The following FER variants were observed in gnomAD, a reference collection of about 807,000 sequenced individuals.
FER encodes the protein FER tyrosine kinase.
Under a neutral mutation model 111.0 loss-of-function variants are expected in FER, and 63 were observed. The observed-to-expected ratio is 0.57, with a 90% CI of 0.46 to 0.70. The LOEUF (loss-of-function observed/expected upper bound fraction) is 0.70. Ranked by LOEUF, FER falls within the 30% of genes least tolerant of loss-of-function variation. FER has a pLI of 0.00. For synonymous variants in FER, 327 were observed against 313.9 expected (o/e 1.04, Z -0.44); for missense variants, 914 against 954.0 (o/e 0.96, Z 0.55).
chr5:108,843,526 G>T (rs1761489653), intron 5 of FER, among the ~76,000 whole-genome samples: 2 of 149,898 alleles, frequency 1.3e-5, no homozygotes, highest in African/African-American at 2.4e-5. Context: ...ATTGAAAGTT[G>T]AATTTTTTTT....
chr5:108,843,762 C>G (rs181828328), intron 5 of FER, among the ~76,000 whole-genome samples: 1 of 151,810 alleles, frequency 6.6e-6, no homozygotes, highest in Non-Finnish European at 1.5e-5. Flanking sequence ...CTCTTGACCT[C>G]GTAATCCACC....
At chr5:108,782,949 C>G (rs1409963256) in intron 2 of FER, among the ~76,000 whole-genome samples, 2 of 152,168 alleles carry the variant, frequency 1.3e-5, no homozygotes, top group African/African-American at 4.8e-5. Flanking sequence ...TTCCTGGATT[C>G]TCTGTTCTGT....
At chr5:108,949,546 T>C (rs374761773) in intron 11 of FER, among the ~76,000 whole-genome samples, 1 of 152,114 alleles carries the variant, frequency 6.6e-6, no homozygotes, top group Non-Finnish European at 1.5e-5. Flanking sequence ...GAGATTGATA[T>C]TCCATAATTT....
At chr5:108,990,879 TCA>T (rs999057302) in intron 13 of FER, among the ~76,000 whole-genome samples, 1 of 151,846 alleles carries the variant, frequency 6.6e-6, no homozygotes, top group Non-Finnish European at 1.5e-5. Context: ...CCATGATTTT[TCA>T]CACTGATACT....
intron 16 of FER, among the ~76,000 whole-genome samples, chr5:109,098,236 C>G (rs1340988341): frequency 1.3e-5 from 2 of 151,650 alleles, no homozygotes; most frequent in Admixed American, 6.6e-5. Context: ...ATATTATGTA[C>G]TATTAAACAA....
intron 1 of FER, among the ~76,000 whole-genome samples, chr5:108,752,509 A>G (rs1451576059): frequency 2.0e-5 from 3 of 152,038 alleles, no homozygotes; most frequent in Non-Finnish European, 4.4e-5. Context: ...TCTGGGGGAA[A>G]AATGGAAAAG....
chr5:108,940,690 T>TTA (rs991104502), intron 10 of FER, among the ~76,000 whole-genome samples: 1 of 152,084 alleles, frequency 6.6e-6, no homozygotes, highest in Non-Finnish European at 1.5e-5. Flanking sequence ...AAGCACTATC[T>TTA]ACCCATCTAC....
intron 2 of FER, among the ~76,000 whole-genome samples, chr5:108,780,915 A>G (rs1253285894): frequency 6.6e-6 from 1 of 151,932 alleles, no homozygotes. Flanking sequence ...TGTCCAGTCT[A>G]CTAGACTGAG....
chr5:108,863,213 G>T (rs902890735), intron 5 of FER, among the ~76,000 whole-genome samples: 1 of 152,064 alleles, frequency 6.6e-6, no homozygotes, highest in African/African-American at 2.4e-5. Context: ...TCCGCCTCCT[G>T]GGTTAAAGTG....
At chr5:108,854,330 A>C (rs1457127835) in intron 5 of FER, among the ~76,000 whole-genome samples, 2 of 152,192 alleles carry the variant, frequency 1.3e-5, no homozygotes, top group Non-Finnish European at 2.9e-5. Context: ...TACGACCATT[A>C]TACTTCGGCA....
At chr5:108,834,373 T>TTCCAGTGTTG (rs2150136104) in intron 4 of FER, among the ~76,000 whole-genome samples, 1 of 152,282 alleles carries the variant, frequency 6.6e-6, no homozygotes, top group Admixed American at 6.5e-5. Context: ...GACTAATTGG[T>TTCCAGTGTTG]TCCAGTGTTG....
At chr5:108,815,799 GT>G (rs1758210823) in intron 3 of FER, among the ~76,000 whole-genome samples, 2 of 152,098 alleles carry the variant, frequency 1.3e-5, no homozygotes, top group Admixed American at 1.3e-4. Context: ...TGATTATTTA[GT>G]AGTCACATAA....
chr5:108,844,043 T>TATGTGTGTGAAC lies in FER; in HGVS notation c.481+8238_481+8239insGTGTGTGAACAT, dbSNP rs1561499864. On this transcript the variant is annotated intron_variant, in intron 5 of 19. Coordinates refer to ENST00000281092, the MANE Select transcript of FER (RefSeq NM_005246.4). ...GTGAACATATATATGTGTGTGAACA[T>TATGTGTGTGAAC]ATATATGTGTGTGAACATATATATG... Among the ~76,000 whole-genome samples the TATGTGTGTGAAC allele has an allele frequency of 2.6e-4, 26 of 101,346 alleles. 2 individuals are homozygous for TATGTGTGTGAAC. Among genetic ancestry groups the TATGTGTGTGAAC allele is most frequent in the African/African-American group, 1.0e-3 (25 of 24,318 alleles). 66.5% of individuals were successfully genotyped at this position (101,346 alleles called of 152,430 possible). A position where few individuals can be genotyped will look rare whatever the true frequency, so the allele number is the denominator to read the frequency against.
At chr5:108,787,702 C>T (rs1367443404) in intron 2 of FER, among the ~76,000 whole-genome samples, 1 of 152,212 alleles carries the variant, frequency 6.6e-6, no homozygotes, top group Non-Finnish European at 1.5e-5. Context: ...GAGCTACCCA[C>T]TATGGGTCTC....
chr5:108,852,390 T>C (rs975050871), intron 5 of FER, among the ~76,000 whole-genome samples: 2 of 152,164 alleles, frequency 1.3e-5, no homozygotes, highest in Non-Finnish European at 2.9e-5. Context: ...AAGTCCACAT[T>C]TTAAAAAATG....
At chr5:108,879,408 C>T (rs1054287710) in intron 8 of FER, among the ~76,000 whole-genome samples, 1 of 151,738 alleles carries the variant, frequency 6.6e-6, no homozygotes, top group Non-Finnish European at 1.5e-5. Context: ...CCGGCCCTCC[C>T]CTCAGAGGCC....
At chr5:109,062,361 C>T (rs928047776) in intron 16 of FER, among the ~76,000 whole-genome samples, 1 of 151,930 alleles carries the variant, frequency 6.6e-6, no homozygotes, top group African/African-American at 2.4e-5. Context: ...CCCATTTCTA[C>T]TAAAAATGCA....
In FER at chr5:109,187,516, C is replaced by G; in HGVS notation, c.2410C>G (p.Arg804Gly). The G allele has an allele frequency of 6.2e-7, 1 of 1,614,030 alleles. No homozygotes were observed. ...MKCWDYKPEN[R>G]PKFSELQKEL... ...GTGTTGGGATTATAAACCTGAAAAT[C>G]GCCCTAAGTTCAGTGAACTTCAGAA... The change falls in exon 20 of 20, where the codon CGC becomes GGC. Residue 804 changes from arginine to glycine, a missense_variant. Coordinates refer to ENST00000281092, the MANE Select transcript of FER (RefSeq NM_005246.4).
At chr5:108,757,629 A>G (rs1014929112) in intron 1 of FER, among the ~76,000 whole-genome samples, 5 of 152,200 alleles carry the variant, frequency 3.3e-5, no homozygotes, top group African/African-American at 1.2e-4. Context: ...CTTTAGACAG[A>G]CTTCTTGAAA....
Sources: gnomAD v4.1 joint callset for allele counts (sites outside exome capture counted in the v4.1 genomes callset) on GRCh38, gnomAD v4.1.1 for gene constraint, MANE v1.5 for transcripts, NCBI Gene and HGNC (gene_info 2026-07-23, HGNC 2026-07-21) for gene names.